Variants in SYT1 observed in about 807,000 individuals in gnomAD.
The protein encoded by SYT1 is synaptotagmin 1, also known as synaptotagmin-1.
A neutral mutation model predicts 44.8 loss-of-function variants in SYT1; 8 were observed. The ratio of observed to expected loss-of-function variants is 0.18; its 90% CI spans 0.10 to 0.32. The LOEUF is 0.32. Ranked by LOEUF, SYT1 falls within the 10% of genes least tolerant of loss-of-function variation. SYT1 has a pLI of 1.00. For synonymous variants in SYT1, 154 were observed against 188.8 expected (o/e 0.82, Z 1.51); for missense variants, 286 against 509.3 (o/e 0.56, Z 4.22).
intron 3 of SYT1, among the ~76,000 whole-genome samples, chr12:79,185,554 G>A (rs1356788124): frequency 6.6e-6 from 1 of 151,926 alleles, no homozygotes; most frequent in Non-Finnish European, 1.5e-5. Flanking sequence ...TCAAGGAGCT[G>A]ACATCTTTAT....
At chr12:79,010,195 G>C (rs1871327890) in intron 2 of SYT1, among the ~76,000 whole-genome samples, 1 of 152,124 alleles carries the variant, frequency 6.6e-6, no homozygotes, top group Admixed American at 6.6e-5. Context: ...GAATTGAAAA[G>C]AGACCATGAC....
chr12:79,096,351 G>A (rs747095918), intron 3 of SYT1, among the ~76,000 whole-genome samples: 23 of 151,860 alleles, frequency 1.5e-4, no homozygotes, highest in Non-Finnish European at 3.1e-4. Flanking sequence ...CTGAATAGCC[G>A]TCTCAAAATA....
At chr12:79,408,992 G>C (rs1289155870) in intron 9 of SYT1, among the ~76,000 whole-genome samples, 1 of 151,894 alleles carries the variant, frequency 6.6e-6, no homozygotes, top group African/African-American at 2.4e-5. Flanking sequence ...GTGGCAGCAA[G>C]GTCAAATTTC....
intron 7 of SYT1, 99 bp from the exon 8 acceptor site, chr12:79,299,285 G>C: frequency 1.5e-6 from 2 of 1,350,646 alleles, no homozygotes; most frequent in African/African-American, 1.5e-5. Flanking sequence ...TCCCTGTTCT[G>C]TTTATGCAAC....
At chr12:79,325,044 A>G (rs550268563) in intron 8 of SYT1, among the ~76,000 whole-genome samples, 1 of 152,124 alleles carries the variant, frequency 6.6e-6, no homozygotes, top group African/African-American at 2.4e-5. Flanking sequence ...ACTACCAAAA[A>G]TCTTTGGTAG....
chr12:79,281,638 A>G (rs1268349586), intron 4 of SYT1, among the ~76,000 whole-genome samples: 1 of 152,182 alleles, frequency 6.6e-6, no homozygotes, highest in Non-Finnish European at 1.5e-5. Flanking sequence ...CAATTCATCC[A>G]TTTAACCAAA....
intron 3 of SYT1, among the ~76,000 whole-genome samples, chr12:79,177,035 C>CTTT (rs5799413): frequency 0.056 from 7,855 of 141,300 alleles, 247 homozygotes; most frequent in Non-Finnish European, 0.065. Context: ...AAGCATATTT[C>CTTT]TTTTTTTTTT....
intron 3 of SYT1, among the ~76,000 whole-genome samples, chr12:79,107,342 T>C (rs1878775167): frequency 6.6e-6 from 1 of 151,914 alleles, no homozygotes; most frequent in African/African-American, 2.4e-5. Flanking sequence ...TTGTTCCTGA[T>C]GATTACAAAA....
At chr12:79,051,061 C>T (rs974762012) in intron 3 of SYT1, among the ~76,000 whole-genome samples, 34 of 151,418 alleles carry the variant, frequency 2.2e-4, no homozygotes, top group Non-Finnish European at 1.6e-4. Flanking sequence ...AAAATCTGTG[C>T]TAATTAACCA....
intron 1 of SYT1, among the ~76,000 whole-genome samples, chr12:78,957,294 C>A (rs1592603730): frequency 6.6e-6 from 1 of 152,072 alleles, no homozygotes; most frequent in Non-Finnish European, 1.5e-5. Context: ...ATGGTGAGAG[C>A]CTGTCTCTAT....
At chr12:79,132,116 C>T (rs911074337) in intron 3 of SYT1, among the ~76,000 whole-genome samples, 1 of 151,980 alleles carries the variant, frequency 6.6e-6, no homozygotes, top group African/African-American at 2.4e-5. Context: ...GGAATAATCC[C>T]ATTAAAAAGT....
intron 3 of SYT1, among the ~76,000 whole-genome samples, chr12:79,159,955 A>G (rs1265436922): frequency 1.3e-5 from 2 of 152,186 alleles, no homozygotes; most frequent in Admixed American, 1.3e-4. Flanking sequence ...CACTGAGTAA[A>G]TGAGAACATA....
chr12:79,384,841 C>T (rs188842049), intron 9 of SYT1, among the ~76,000 whole-genome samples: 13 of 152,202 alleles, frequency 8.5e-5, no homozygotes, highest in Admixed American at 1.3e-4. Context: ...TCCTGAGTTA[C>T]GTAAGATGTT....
chr12:78,923,684 C>G (rs1033875811), intron 1 of SYT1, among the ~76,000 whole-genome samples: 4 of 150,404 alleles, frequency 2.7e-5, no homozygotes, highest in Admixed American at 6.8e-5. Context: ...CTCCACCCCC[C>G]CTTTCTTTCT....
chr12:79,321,915 G>T (rs1480525019), intron 8 of SYT1, among the ~76,000 whole-genome samples: 1 of 152,160 alleles, frequency 6.6e-6, no homozygotes, highest in Admixed American at 6.5e-5. Context: ...TCCTCCAAGT[G>T]GAGCACAGCC....
rs965119973 is a variant in SYT1 at position 79,124,184 on chromosome 12, C to T, written c.-18+76822C>T. Among the ~76,000 whole-genome samples, 22 of 152,204 alleles carry T rather than the reference C, an allele frequency of 1.4e-4. 1 individual carries two copies. The highest frequency in any genetic ancestry group is 4.8e-4 in the African/African-American group (20 of 41,526). ...TGTAACTTACACATTTTGACTCTGC[C>T]CTAAACATAGCCAGAAGTAGGTTGC... On this transcript the variant is annotated intron_variant, in intron 3 of 10. Coordinates refer to ENST00000261205, the MANE Select transcript of SYT1 (RefSeq NM_005639.3).
intron 1 of SYT1, among the ~76,000 whole-genome samples, chr12:78,915,526 G>A (rs1876602187): frequency 6.6e-6 from 1 of 151,948 alleles, no homozygotes; most frequent in Non-Finnish European, 1.5e-5. Flanking sequence ...ATTTCAAAAT[G>A]ATAATTTCCA....
intron 3 of SYT1, among the ~76,000 whole-genome samples, chr12:79,162,771 T>A (rs1452720676): frequency 2.0e-5 from 3 of 152,138 alleles, no homozygotes; most frequent in African/African-American, 4.8e-5. Context: ...TGTTTTGAAA[T>A]TAAATGCAAG....
chr12:79,304,180 C>A (rs1159967503), intron 8 of SYT1, among the ~76,000 whole-genome samples: 2 of 152,210 alleles, frequency 1.3e-5, no homozygotes, highest in Admixed American at 1.3e-4. Flanking sequence ...TGGTTCCTCA[C>A]CAAGTGTAAT....
Sources: gnomAD v4.1 joint callset for allele counts (sites outside exome capture counted in the v4.1 genomes callset) on GRCh38, gnomAD v4.1.1 for gene constraint, MANE v1.5 for transcripts, NCBI Gene and HGNC (gene_info 2026-07-23, HGNC 2026-07-21) for gene names.